Variants in NTM observed in about 807,000 individuals in gnomAD.
NTM encodes the protein neurotrimin.
A neutral mutation model predicts 42.1 loss-of-function variants in NTM; 13 were observed. The ratio of observed to expected loss-of-function variants is 0.31; its 90% CI spans 0.20 to 0.49. The LOEUF (loss-of-function observed/expected upper bound fraction) is 0.49, where lower values mean the gene tolerates loss of function less well. Among genes scored for constraint, NTM ranks in the 20% least tolerant of loss-of-function variants. The probability of loss-of-function intolerance (pLI) is 0.99; values close to 1 mark genes in which losing one functional copy is unlikely to be tolerated. For synonymous variants in NTM, 187 were observed against 179.2 expected, an observed-to-expected ratio of 1.04 and a Z score of -0.35; for missense variants, 373 against 452.8, an observed-to-expected ratio of 0.82 and a Z score of 1.60.
intron 1 of NTM, among the ~76,000 whole-genome samples, chr11:131,789,848 C>G (rs549601467): frequency 2.1e-5 from 3 of 145,652 alleles, no homozygotes; most frequent in East Asian, 4.3e-4. Context: ...CCCAGCTACA[C>G]GGGAGGCTGA....
At chr11:131,531,365 C>G (rs2051255945) in intron 1 of NTM, among the ~76,000 whole-genome samples, 1 of 152,108 alleles carries the variant, frequency 6.6e-6, no homozygotes, top group Non-Finnish European at 1.5e-5. Flanking sequence ...CCAGGTGGAT[C>G]TCAAACTTCT....
intron 1 of NTM, among the ~76,000 whole-genome samples, chr11:131,378,492 T>G (rs554061597): frequency 6.6e-6 from 1 of 152,344 alleles, no homozygotes; most frequent in East Asian, 1.9e-4. Flanking sequence ...AAATGGTGTG[T>G]GTGCGTGCAA....
chr11:131,821,022 A>AG (rs905793698), intron 1 of NTM, among the ~76,000 whole-genome samples: 10 of 132,938 alleles, frequency 7.5e-5, no homozygotes, highest in Middle Eastern at 3.5e-3. Context: ...ATGCCTCCAA[A>AG]GGGTTTTTTT....
intron 2 of NTM, among the ~76,000 whole-genome samples, chr11:132,054,359 G>T (rs2079292781): frequency 7.7e-6 from 1 of 129,938 alleles, no homozygotes; most frequent in Admixed American, 7.7e-5. Context: ...GTCTTGACTG[G>T]GTTTTCTTCT....
intron 1 of NTM, among the ~76,000 whole-genome samples, chr11:131,477,706 G>T (rs1426390771): frequency 1.3e-5 from 2 of 151,714 alleles, no homozygotes; most frequent in Non-Finnish European, 2.9e-5. Context: ...TTCCCAGAGA[G>T]ATATATTTTC....
At chr11:131,507,251 A>T (rs994027194) in intron 1 of NTM, among the ~76,000 whole-genome samples, 1 of 152,064 alleles carries the variant, frequency 6.6e-6, no homozygotes, top group Non-Finnish European at 1.5e-5. Context: ...TAAGGAAGGG[A>T]TCCAGTTTCA....
intron 1 of NTM, among the ~76,000 whole-genome samples, chr11:131,566,667 C>T (rs569459645): frequency 2.0e-5 from 3 of 152,266 alleles, no homozygotes; most frequent in Admixed American, 6.5e-5. Flanking sequence ...TAGCCAAATG[C>T]GGCACAACTT....
intron 1 of NTM, among the ~76,000 whole-genome samples, chr11:131,554,904 A>G (rs1416487689): frequency 6.6e-6 from 1 of 152,048 alleles, no homozygotes; most frequent in Non-Finnish European, 1.5e-5. Flanking sequence ...CACCTGTCCT[A>G]GCTGTCTATT....
intron 1 of NTM, among the ~76,000 whole-genome samples, chr11:131,642,048 T>C (rs956071649): frequency 6.6e-6 from 1 of 152,176 alleles, no homozygotes; most frequent in Non-Finnish European, 1.5e-5. Context: ...TTTTAAGACA[T>C]CCAATCTTTA....
At chr11:131,838,715 TAAAA>T (rs1565614606) in intron 1 of NTM, among the ~76,000 whole-genome samples, 1 of 69,724 alleles carries the variant, frequency 1.4e-5, no homozygotes, top group African/African-American at 4.4e-5. Context: ...ACTGGATAGA[TAAAA>T]CAAAGGGGGT....
At chr11:131,412,234 T>C (rs909239005) in intron 1 of NTM, among the ~76,000 whole-genome samples, 2 of 152,140 alleles carry the variant, frequency 1.3e-5, no homozygotes, top group Non-Finnish European at 1.5e-5. Context: ...CATGGGCCTG[T>C]AAGTTCTCAT....
chr11:131,922,450 C>T (rs1037959387), intron 2 of NTM, among the ~76,000 whole-genome samples: 4 of 152,224 alleles, frequency 2.6e-5, no homozygotes, highest in Non-Finnish European at 5.9e-5. Flanking sequence ...CCCACTGGAC[C>T]ACGGCCAGCT....
intron 2 of NTM, among the ~76,000 whole-genome samples, chr11:131,977,842 C>T (rs138736342): frequency 6.6e-6 from 1 of 152,280 alleles, no homozygotes; most frequent in East Asian, 1.9e-4. Context: ...ATTAACAGCT[C>T]AGTACAATGA....
chr11:131,846,456 C>T (rs1047430551), intron 1 of NTM, among the ~76,000 whole-genome samples: 10 of 152,158 alleles, frequency 6.6e-5, no homozygotes, highest in African/African-American at 1.7e-4. Context: ...ATGATCAGCT[C>T]ATTAATTTTT....
At chr11:131,966,455 G>A (rs2062844544) in intron 2 of NTM, among the ~76,000 whole-genome samples, 1 of 152,126 alleles carries the variant, frequency 6.6e-6, no homozygotes, top group Non-Finnish European at 1.5e-5. Flanking sequence ...GAAAAAAGCA[G>A]AATAGTTGAA....
chr11:131,630,690 T>G (rs1310282728), intron 1 of NTM, among the ~76,000 whole-genome samples: 1 of 152,218 alleles, frequency 6.6e-6, no homozygotes, highest in African/African-American at 2.4e-5. Flanking sequence ...AACTTGGATT[T>G]CCTCTTTGCT....
chr11:131,732,584 T>C (rs1400766129), intron 1 of NTM, among the ~76,000 whole-genome samples: 1 of 152,244 alleles, frequency 6.6e-6, no homozygotes, highest in Non-Finnish European at 1.5e-5. Flanking sequence ...CCCCAAACTT[T>C]TGATTTCCAC....
intron 3 of NTM, among the ~76,000 whole-genome samples, chr11:132,148,164 A>G (rs1304751101): frequency 6.6e-6 from 1 of 152,266 alleles, no homozygotes; most frequent in East Asian, 1.9e-4. Context: ...ATAAATGAAT[A>G]CTTTTTGAAC....
At chr11:131,748,061 T>C (rs998934949) in intron 1 of NTM, among the ~76,000 whole-genome samples, 13 of 152,266 alleles carry the variant, frequency 8.5e-5, no homozygotes, top group African/African-American at 2.9e-4. Context: ...GAAGCGTTGA[T>C]GGTACTGTTC....
Sources: allele counts gnomAD v4.1 joint callset (sites outside exome capture counted in the v4.1 genomes callset), GRCh38; gene constraint gnomAD v4.1.1; transcripts MANE v1.5; gene names NCBI Gene and HGNC (gene_info 2026-07-23, HGNC 2026-07-21).